The following ERBB4 variants were observed in gnomAD, a reference collection of about 807,000 sequenced individuals.
ERBB4 encodes the protein receptor tyrosine-protein kinase erbB-4.
ERBB4 carries 42 observed loss-of-function variants against 158.0 expected under a neutral mutation model. The ratio of observed to expected loss-of-function variants is 0.27; its 90% confidence interval spans 0.21 to 0.34. The LOEUF (loss-of-function observed/expected upper bound fraction) is 0.34. ERBB4 is among the 10% of genes least tolerant of loss of function. ERBB4 has a pLI of 1.00. For missense variants in ERBB4, 1,333 were observed against 1,624.1 expected, an observed-to-expected ratio of 0.82 and a Z score of 3.08; for synonymous variants, 583 against 558.7, an observed-to-expected ratio of 1.04 and a Z score of -0.61.
At chr2:212,304,728 C>G (rs1387911214) in intron 1 of ERBB4, among the ~76,000 whole-genome samples, 4 of 151,384 alleles carry the variant, frequency 2.6e-5, no homozygotes, top group Non-Finnish European at 5.9e-5. Context: ...CATATTTAGT[C>G]CTCAAGAACC....
At chr2:211,872,000 A>C (rs1225969146) in intron 3 of ERBB4, among the ~76,000 whole-genome samples, 1 of 152,204 alleles carries the variant, frequency 6.6e-6, no homozygotes, top group Non-Finnish European at 1.5e-5. Context: ...AAAAATCACC[A>C]GATTAAATAA....
intron 25 of ERBB4, among the ~76,000 whole-genome samples, chr2:211,411,963 T>A (rs950629906): frequency 6.6e-6 from 1 of 151,942 alleles, no homozygotes; most frequent in Non-Finnish European, 1.5e-5. Context: ...TTCCAAAAAA[T>A]AAAAAATAAA....
chr2:211,693,437 C>A (rs2072896068), intron 12 of ERBB4, among the ~76,000 whole-genome samples: 1 of 152,226 alleles, frequency 6.6e-6, no homozygotes, highest in East Asian at 1.9e-4. Context: ...AGCTCTTTAT[C>A]TTTTTCTCCC....
At chr2:211,757,195 C>A (rs2075305115) in intron 4 of ERBB4, among the ~76,000 whole-genome samples, 1 of 152,106 alleles carries the variant, frequency 6.6e-6, no homozygotes. Flanking sequence ...TGTGAGTTGA[C>A]TTTACTTTTT....
chr2:212,486,019 G>T (rs1041646502), intron 1 of ERBB4, among the ~76,000 whole-genome samples: 1 of 151,902 alleles, frequency 6.6e-6, no homozygotes. Context: ...CACAGCATAC[G>T]TGATGAGAAA....
At chr2:211,591,623 T>C (rs1469970446) in intron 19 of ERBB4, among the ~76,000 whole-genome samples, 2 of 152,206 alleles carry the variant, frequency 1.3e-5, no homozygotes, top group Admixed American at 6.5e-5. Context: ...CAGCATGTAA[T>C]AGGTACCGCT....
chr2:211,992,022 A>G (rs2082084964), intron 2 of ERBB4, among the ~76,000 whole-genome samples: 1 of 152,154 alleles, frequency 6.6e-6, no homozygotes, highest in Non-Finnish European at 1.5e-5. Flanking sequence ...AGACTTTCCC[A>G]CATTTTCCTG....
At chr2:212,051,971 T>C (rs1364716944) in intron 2 of ERBB4, among the ~76,000 whole-genome samples, 1 of 152,122 alleles carries the variant, frequency 6.6e-6, no homozygotes, top group African/African-American at 2.4e-5. Flanking sequence ...ATGGTTAATA[T>C]TGAGTGTCAA....
chr2:212,355,905 C>T (rs1303862450), intron 1 of ERBB4, among the ~76,000 whole-genome samples: 2 of 151,852 alleles, frequency 1.3e-5, no homozygotes, highest in African/African-American at 4.8e-5. Context: ...CACTTCCAAC[C>T]TTTGCTAAGG....
intron 2 of ERBB4, among the ~76,000 whole-genome samples, chr2:212,060,058 A>T (rs1444802365): frequency 6.6e-6 from 1 of 152,252 alleles, no homozygotes; most frequent in Admixed American, 6.5e-5. Flanking sequence ...CAAAGGGCTA[A>T]TATCCAGAAT....
At chr2:211,616,803 A>T (rs2069409397) in intron 19 of ERBB4, among the ~76,000 whole-genome samples, 1 of 152,180 alleles carries the variant, frequency 6.6e-6, no homozygotes, top group African/African-American at 2.4e-5. Flanking sequence ...TCAATCTGTT[A>T]ATCTTCCAGC....
At chr2:211,878,052 G>C (rs893798671) in intron 3 of ERBB4, among the ~76,000 whole-genome samples, 30 of 152,210 alleles carry the variant, frequency 2.0e-4, no homozygotes, top group African/African-American at 7.0e-4. Context: ...AGGTTGCAGT[G>C]AGCCTAGATC....
chr2:211,387,154 T>C lies in ERBB4; in HGVS notation c.3184-4A>G. 6.2e-7 allele frequency: 1 copy of C among 1,608,310 alleles called. No individual in the cohort carries two copies. ...CATCTCGGTATACAAACTGGTTCTG[T>C]TAATAAGAGAAACATATGTGGAGAG... On this transcript the variant is annotated splice_region_variant and splice_polypyrimidine_tract_variant and intron_variant, in intron 26 of 27. Coordinates refer to ENST00000342788, the MANE Select transcript of ERBB4 (RefSeq NM_005235.3).
At chr2:211,640,103 T>C (rs977794896) in intron 16 of ERBB4, among the ~76,000 whole-genome samples, 2 of 146,812 alleles carry the variant, frequency 1.4e-5, no homozygotes, top group African/African-American at 5.4e-5. Context: ...GCATTTTTGA[T>C]TTTTTTTTAA....
intron 12 of ERBB4, among the ~76,000 whole-genome samples, chr2:211,697,567 T>C (rs2073070792): frequency 6.6e-6 from 1 of 152,142 alleles, no homozygotes; most frequent in Non-Finnish European, 1.5e-5. Context: ...AATAGTTCTT[T>C]CAAATTTAGG....
intron 1 of ERBB4, among the ~76,000 whole-genome samples, chr2:212,236,047 T>C (rs2083859452): frequency 6.6e-6 from 1 of 152,202 alleles, no homozygotes; most frequent in Non-Finnish European, 1.5e-5. Flanking sequence ...CTTTTGCCGG[T>C]TTTCAAAGGG....
intron 17 of ERBB4, 93 bp from the exon 18 acceptor site, chr2:211,624,137 C>G (rs914197540): frequency 1.4e-6 from 2 of 1,449,082 alleles, no homozygotes; most frequent in Non-Finnish European, 1.8e-6. Flanking sequence ...GGTTCTCTTT[C>G]TTACAAAGAA....
intron 3 of ERBB4, among the ~76,000 whole-genome samples, chr2:211,909,070 CAAGT>C (rs2079474012): frequency 6.6e-6 from 1 of 151,406 alleles, no homozygotes; most frequent in South Asian, 2.1e-4. Flanking sequence ...ATATTATAAA[CAAGT>C]AAGCTACATA....
intron 1 of ERBB4, among the ~76,000 whole-genome samples, chr2:212,442,629 G>A (rs1445347997): frequency 6.6e-6 from 1 of 150,486 alleles, no homozygotes; most frequent in Non-Finnish European, 1.5e-5. Context: ...GTGGGTTCAG[G>A]GGGTCCCCAG....
Sources: gnomAD v4.1 joint callset for allele counts (sites outside exome capture counted in the v4.1 genomes callset) on GRCh38, gnomAD v4.1.1 for gene constraint, MANE v1.5 for transcripts, NCBI Gene and HGNC (gene_info 2026-07-23, HGNC 2026-07-21) for gene names.